Variants in ROCK1 observed in about 807,000 individuals in gnomAD.
ROCK1 encodes the protein rho-associated protein kinase 1.
A neutral mutation model predicts 196.8 loss-of-function variants in ROCK1; 36 were observed. The ratio of observed to expected loss-of-function variants is 0.18; its 90% CI spans 0.14 to 0.24. ROCK1 has a LOEUF of 0.24. Among genes scored for constraint, ROCK1 ranks in the 10% least tolerant of loss-of-function variants. The pLI is 1.00. For synonymous variants in ROCK1, 443 were observed against 515.9 expected, an observed-to-expected ratio of 0.86 and a Z score of 1.91; for missense variants, 920 against 1,562.0, an observed-to-expected ratio of 0.59 and a Z score of 6.93.
At chr18:21,016,474 G>A (rs1196968905) in intron 12 of ROCK1, among the ~76,000 whole-genome samples, 2 of 152,042 alleles carry the variant, frequency 1.3e-5, no homozygotes, top group African/African-American at 2.4e-5. Context: ...ATCAGTAAAG[G>A]CACCATTTGG....
intron 22 of ROCK1, among the ~76,000 whole-genome samples, chr18:20,975,473 T>C (rs1208829666): frequency 6.6e-6 from 1 of 152,236 alleles, no homozygotes; most frequent in Non-Finnish European, 1.5e-5. Context: ...TCTACTTTAA[T>C]ACCTATTCTC....
intron 14 of ROCK1, among the ~76,000 whole-genome samples, chr18:21,007,764 G>A (rs994984033): frequency 1.9e-4 from 29 of 152,144 alleles, no homozygotes; most frequent in African/African-American, 6.3e-4. Context: ...AATTAGAATC[G>A]CTGGGATTTA....
At chr18:20,985,002 T>C (rs945948753) in intron 19 of ROCK1, among the ~76,000 whole-genome samples, 6 of 151,412 alleles carry the variant, frequency 4.0e-5, no homozygotes, top group African/African-American at 1.5e-4. Context: ...TAGTCCCAGC[T>C]ACATGGGAGG....
intron 18 of ROCK1, 51 bp from the exon 19 acceptor site, chr18:20,987,161 C>T (rs1324158175): frequency 9.1e-6 from 14 of 1,543,390 alleles, no homozygotes; most frequent in Non-Finnish European, 1.2e-5. Flanking sequence ...AGTACTTTAA[C>T]ACATTTCACT....
rs1038532320 is a variant in ROCK1, at chr18:20,966,463, G to C, written c.3352+454C>G. Among the ~76,000 whole-genome samples the C allele has an allele frequency of 7.9e-5, 12 of 152,122 alleles. 1 individual carries two copies. Among genetic ancestry groups the C allele is most frequent in the African/African-American group, 2.7e-4 (11 of 41,414 alleles). Reference sequence around the variant, plus strand: ...AACTTAGCAAAGTCTGACTGAAGTTGATCACTACTCCACTAGATAGGGTTC... The same window carrying C: ...AACTTAGCAAAGTCTGACTGAAGTTCATCACTACTCCACTAGATAGGGTTC... On this transcript the variant is annotated intron_variant, in intron 27 of 32. Coordinates refer to ENST00000399799, the MANE Select transcript of ROCK1 (RefSeq NM_005406.3).
Position 21,002,543 on chromosome 18 carries a change from C to G in ROCK1, c.1885+3808G>C, listed in dbSNP as rs1049894419. On this transcript the variant is annotated intron_variant, in intron 16 of 32. Transcript: ENST00000399799. ...ACCTGACTTTCTTTTATAAGCTGTA[C>G]CTCAAAGTAACTACTATATAATTGA... Among the ~76,000 whole-genome samples the G allele has an allele frequency of 4.6e-5, 7 of 152,058 alleles. 1 individual carries two copies. The highest frequency in any genetic ancestry group is 4.1e-4 in the South Asian group (2 of 4,822).
At chr18:20,966,189 C>G (rs1047765209) in intron 27 of ROCK1, among the ~76,000 whole-genome samples, 32 of 152,146 alleles carry the variant, frequency 2.1e-4, no homozygotes, top group African/African-American at 7.5e-4. Context: ...ATAACCTACT[C>G]ATTTTATTTC....
At chr18:21,074,567 A>G (rs2036413622) in intron 1 of ROCK1, among the ~76,000 whole-genome samples, 1 of 152,188 alleles carries the variant, frequency 6.6e-6, no homozygotes, top group African/African-American at 2.4e-5. Flanking sequence ...GAATGTGAAC[A>G]TTCTTACATT....
At chr18:20,953,171 G>A (rs999043287) in intron 32 of ROCK1, 15 of 171,926 alleles carry the variant, frequency 8.7e-5, no homozygotes, top group Non-Finnish European at 1.8e-4. Flanking sequence ...TTGTATGTTG[G>A]GATAGTATGG....
chr18:20,992,483 T>C (rs2035634983), intron 17 of ROCK1, among the ~76,000 whole-genome samples: 1 of 152,232 alleles, frequency 6.6e-6, no homozygotes, highest in Non-Finnish European at 1.5e-5. Flanking sequence ...CGTACTGATC[T>C]GTTGTTTTCC....
At chr18:21,005,107 G>A (rs1384547552) in intron 16 of ROCK1, among the ~76,000 whole-genome samples, 2 of 152,146 alleles carry the variant, frequency 1.3e-5, no homozygotes, top group East Asian at 1.9e-4. Flanking sequence ...TTTTGATTAG[G>A]TAGTATGGAT....
intron 16 of ROCK1, among the ~76,000 whole-genome samples, chr18:21,000,284 CAG>C (rs2035712186): frequency 6.6e-6 from 1 of 150,762 alleles, no homozygotes; most frequent in South Asian, 2.1e-4. Flanking sequence ...TTTTTGGAGA[CAG>C]GGTCTCACTG....
At chr18:21,013,165 G>A (rs1178022615) in intron 13 of ROCK1, among the ~76,000 whole-genome samples, 1 of 152,140 alleles carries the variant, frequency 6.6e-6, no homozygotes, top group Non-Finnish European at 1.5e-5. Context: ...TGATTATGAT[G>A]AGCAGTTTGC....
At chr18:21,066,376 AT>A (rs935570307) in intron 2 of ROCK1, among the ~76,000 whole-genome samples, 7 of 152,056 alleles carry the variant, frequency 4.6e-5, no homozygotes, top group African/African-American at 9.7e-5. Context: ...CATAGAAGTA[AT>A]TTTTTTTCTT....
chr18:20,978,471 C>A (rs2035500616), intron 22 of ROCK1, among the ~76,000 whole-genome samples: 1 of 152,146 alleles, frequency 6.6e-6, no homozygotes, highest in Non-Finnish European at 1.5e-5. Context: ...ATGGTAGACA[C>A]TAACTGCATG....
At chr18:21,107,625 C>T (rs371214774) in intron 1 of ROCK1, among the ~76,000 whole-genome samples, 45 of 152,240 alleles carry the variant, frequency 3.0e-4, no homozygotes, top group African/African-American at 1.0e-3. Context: ...GCTGAAGTCA[C>T]CTGATAGGTC....
chr18:21,035,814 G>A (rs2036052087), intron 9 of ROCK1, among the ~76,000 whole-genome samples: 1 of 152,074 alleles, frequency 6.6e-6, no homozygotes, highest in South Asian at 2.1e-4. Context: ...AAATAAACCA[G>A]CCACAAAAAG....
chr18:20,959,809 C>A (rs765583067), intron 29 of ROCK1, 31 bp downstream of exon 29: 1 of 1,187,500 alleles, frequency 8.4e-7, no homozygotes, highest in Non-Finnish European at 1.2e-6. Context: ...TAGCTCTCAA[C>A]CCCTTTAAAA....
intron 27 of ROCK1, among the ~76,000 whole-genome samples, chr18:20,964,208 G>C (rs896381066): frequency 2.6e-5 from 4 of 151,840 alleles, no homozygotes; most frequent in Non-Finnish European, 5.9e-5. Flanking sequence ...TCTATTCAAA[G>C]CCCTCTCCTT....
Sources: allele counts gnomAD v4.1 joint callset (sites outside exome capture counted in the v4.1 genomes callset), GRCh38; gene constraint gnomAD v4.1.1; transcripts MANE v1.5; gene names NCBI Gene and HGNC (gene_info 2026-07-23, HGNC 2026-07-21).